Variants in PRDM5 observed in about 807,000 individuals in gnomAD.
PRDM5 encodes PR/SET domain 5.
In PRDM5, 56 loss-of-function variants were observed where a neutral mutation model predicts 81.2. The ratio of observed to expected loss-of-function variants is 0.69; its 90% confidence interval spans 0.56 to 0.86. The LOEUF is 0.86. Ranked by LOEUF, PRDM5 falls within the 40% of genes least tolerant of loss-of-function variation. The probability of loss-of-function intolerance (pLI) is 0.00; values close to 1 mark genes in which losing one functional copy is unlikely to be tolerated. For synonymous variants in PRDM5, 267 were observed against 256.4 expected (o/e 1.04, Z -0.39); for missense variants, 697 against 770.1 (o/e 0.91, Z 1.12).
chr4:120,906,435 T>G (rs994739890), intron 2 of PRDM5, among the ~76,000 whole-genome samples: 4 of 152,242 alleles, frequency 2.6e-5, no homozygotes, highest in African/African-American at 9.6e-5. Flanking sequence ...AAATATGCTC[T>G]ATGATGTTCA....
At chr4:120,853,286 T>A in intron 3 of PRDM5, 132 bp downstream of exon 3, 1 of 1,369,266 alleles carries the variant, frequency 7.3e-7, no homozygotes, top group Non-Finnish European at 1.0e-6. Context: ...TAGATGAGAT[T>A]TCTCTGCTTT....
chr4:120,876,818 A>T (rs1383564624), intron 2 of PRDM5, among the ~76,000 whole-genome samples: 1 of 152,192 alleles, frequency 6.6e-6, no homozygotes, highest in Non-Finnish European at 1.5e-5. Flanking sequence ...AACCACCTTT[A>T]TTCTCTATTG....
At chr4:120,832,830 G>A (rs1756886074) in intron 3 of PRDM5, among the ~76,000 whole-genome samples, 1 of 152,122 alleles carries the variant, frequency 6.6e-6, no homozygotes, top group Non-Finnish European at 1.5e-5. Context: ...TTGGTCAACA[G>A]TTGAGAGGGT....
intron 2 of PRDM5, 92 bp downstream of exon 2, chr4:120,907,382 C>G (rs989000166): frequency 2.2e-6 from 2 of 899,574 alleles, no homozygotes; most frequent in Non-Finnish European, 3.6e-6. Flanking sequence ...AAATACTTAA[C>G]TGGAATCAAT....
intron 15 of PRDM5, among the ~76,000 whole-genome samples, chr4:120,700,410 C>T (rs762737298): frequency 1.3e-5 from 2 of 152,188 alleles, no homozygotes; most frequent in Admixed American, 1.3e-4. Context: ...AAATAATTTA[C>T]GACTAAATTC....
intron 2 of PRDM5, among the ~76,000 whole-genome samples, chr4:120,869,364 A>G (rs911678430): frequency 1.3e-5 from 2 of 152,236 alleles, no homozygotes; most frequent in Non-Finnish European, 2.9e-5. Context: ...TCCATTGTGC[A>G]ATGTAGTTAC....
intron 14 of PRDM5, among the ~76,000 whole-genome samples, chr4:120,744,143 A>G (rs1334025683): frequency 6.6e-6 from 1 of 152,162 alleles, no homozygotes; most frequent in Admixed American, 6.5e-5. Context: ...AAACCGCTCA[A>G]CTACATGGAA....
chr4:120,712,080 G>A (rs1286814957), intron 14 of PRDM5, among the ~76,000 whole-genome samples: 1 of 152,092 alleles, frequency 6.6e-6, no homozygotes, highest in African/African-American at 2.4e-5. Flanking sequence ...GAGGTCAGCA[G>A]TTTGAGACCA....
At chr4:120,716,518 C>T (rs1487886565) in intron 14 of PRDM5, among the ~76,000 whole-genome samples, 1 of 152,160 alleles carries the variant, frequency 6.6e-6, no homozygotes, top group Non-Finnish European at 1.5e-5. Context: ...GCAAGAAAGG[C>T]TCTCTGTCAT....
At chr4:120,730,638 A>C (rs1740110875) in intron 14 of PRDM5, among the ~76,000 whole-genome samples, 1 of 152,202 alleles carries the variant, frequency 6.6e-6, no homozygotes, top group Non-Finnish European at 1.5e-5. Context: ...TTAAAAATTA[A>C]TTGCATATTG....
At chr4:120,810,131 C>T (rs1045286516) in intron 8 of PRDM5, among the ~76,000 whole-genome samples, 4 of 152,144 alleles carry the variant, frequency 2.6e-5, no homozygotes, top group Non-Finnish European at 5.9e-5. Flanking sequence ...CCTCCTCCCC[C>T]ACCCCCTGGT....
chr4:120,881,062 TA>T, intron 2 of PRDM5, among the ~76,000 whole-genome samples: 1 of 152,308 alleles, frequency 6.6e-6, no homozygotes, highest in Middle Eastern at 3.4e-3. Flanking sequence ...GAATTTTTTT[TA>T]TGTGTAAAAA....
intron 8 of PRDM5, among the ~76,000 whole-genome samples, chr4:120,800,108 T>C (rs1301537762): frequency 1.3e-5 from 2 of 152,210 alleles, no homozygotes; most frequent in African/African-American, 4.8e-5. Flanking sequence ...TAATATTCCC[T>C]TTACAGTAGC....
chr4:120,921,642 T>C (rs1218664914), intron 1 of PRDM5, among the ~76,000 whole-genome samples: 1 of 152,170 alleles, frequency 6.6e-6, no homozygotes, highest in Non-Finnish European at 1.5e-5. Context: ...AAATATCTAC[T>C]AAGAAAAGGG....
At chr4:120,767,851 T>C (rs1234900789) in intron 13 of PRDM5, among the ~76,000 whole-genome samples, 1 of 152,170 alleles carries the variant, frequency 6.6e-6, no homozygotes, top group Non-Finnish European at 1.5e-5. Context: ...GTTCTTGTGA[T>C]AGTGAGCGAG....
chr4:120,762,641 A>C (rs1183927723), intron 13 of PRDM5: 2 of 152,186 alleles, frequency 1.3e-5, no homozygotes, highest in Non-Finnish European at 2.9e-5. Flanking sequence ...ATAAATTAGA[A>C]GTACACCATA....
chr4:120,687,610 G>A (rs1255235688), downstream of PRDM5, among the ~76,000 whole-genome samples: 2 of 152,050 alleles, frequency 1.3e-5, no homozygotes, highest in East Asian at 3.9e-4. Context: ...TTGAAATCCA[G>A]TTCTCAATTC....
chr4:120,803,408 A>G (rs1752420319), intron 8 of PRDM5, among the ~76,000 whole-genome samples: 1 of 152,190 alleles, frequency 6.6e-6, no homozygotes, highest in South Asian at 2.1e-4. Flanking sequence ...TAATCGTAAG[A>G]TTCACCAAAG....
At chr4:120,913,751 A>G (rs930519953) in intron 1 of PRDM5, among the ~76,000 whole-genome samples, 1 of 152,186 alleles carries the variant, frequency 6.6e-6, no homozygotes, top group Admixed American at 6.5e-5. Context: ...CTTAGTAATA[A>G]AGTAGAGGAC....
Sources: gnomAD v4.1 joint callset for allele counts (sites outside exome capture counted in the v4.1 genomes callset) on GRCh38, gnomAD v4.1.1 for gene constraint, MANE v1.5 for transcripts, NCBI Gene and HGNC (gene_info 2026-07-23, HGNC 2026-07-21) for gene names.